Variants in DRC11 observed in about 807,000 individuals in gnomAD.
The protein encoded by DRC11 is IQ and AAA domain-containing protein 1.
chr2:236,353,188 C>T, the DRC11 span, among the ~76,000 whole-genome samples: 3 of 152,296 alleles, frequency 2.0e-5, no homozygotes, highest in South Asian at 4.1e-4. This position sits in a 1 kb window ranked among gnomAD's most constrained non-coding sequence, Gnocchi z 5.0. Flanking sequence ...TTAATTAATT[C>T]GTAATTGAAC....
At chr2:236,457,452 T>C in the DRC11 span, among the ~76,000 whole-genome samples, 5 of 152,308 alleles carry the variant, frequency 3.3e-5, no homozygotes, top group Admixed American at 2.0e-4. The surrounding 1 kb of genome is among the most constrained non-coding windows in gnomAD (Gnocchi z 4.7). Context: ...TGAACGCTAT[T>C]CATGAATGAA....
chr2:236,343,143 C>T, the DRC11 span, among the ~76,000 whole-genome samples: 2 of 152,166 alleles, frequency 1.3e-5, no homozygotes, highest in African/African-American at 4.8e-5. This position sits in a 1 kb window ranked among gnomAD's most constrained non-coding sequence, Gnocchi z 6.6. Flanking sequence ...CTCAGCGCGC[C>T]TCCTTCCCCT....
the DRC11 span, among the ~76,000 whole-genome samples, chr2:236,395,741 T>C: frequency 6.6e-6 from 1 of 152,246 alleles, no homozygotes; most frequent in Non-Finnish European, 1.5e-5. Flanking sequence ...TGTCATAATG[T>C]GCTGTTTACT....
chr2:236,361,964 T>C, the DRC11 span, among the ~76,000 whole-genome samples: 4 of 152,172 alleles, frequency 2.6e-5, no homozygotes, highest in African/African-American at 7.2e-5. This position sits in a 1 kb window ranked among gnomAD's most constrained non-coding sequence, Gnocchi z 5.7. Flanking sequence ...TGTGGCTCCA[T>C]TAGTATCAGA....
chr2:236,476,568 A>C, the DRC11 span, among the ~76,000 whole-genome samples: 1 of 152,288 alleles, frequency 6.6e-6, no homozygotes, highest in East Asian at 1.9e-4. The surrounding 1 kb of genome is among the most constrained non-coding windows in gnomAD (Gnocchi z 4.7). Context: ...CTCTTTTGCC[A>C]AATTACTCTG....
chr2:236,357,622 TAAATATGCATATAATATGTA>T, the DRC11 span, among the ~76,000 whole-genome samples: 2 of 118,458 alleles, frequency 1.7e-5, no homozygotes, highest in African/African-American at 3.5e-5. Context: ...TATAAATATA[TAAATATGCATATAATATGTA>T]AATATATAAA....
At chr2:236,459,760 G>C in the DRC11 span, among the ~76,000 whole-genome samples, 1 of 150,544 alleles carries the variant, frequency 6.6e-6, no homozygotes, top group African/African-American at 2.4e-5. Context: ...TTTCATGGTA[G>C]CTATCTCTAT....
At chr2:236,441,199 G>T in the DRC11 span, 1 of 1,024,454 alleles carries the variant, frequency 9.8e-7, no homozygotes, top group Non-Finnish European at 1.5e-6. Flanking sequence ...ATTTGCTTAT[G>T]TTCATTTAAA....
chr2:236,306,904 C>G, the DRC11 span, among the ~76,000 whole-genome samples: 1 of 152,322 alleles, frequency 6.6e-6, no homozygotes, highest in African/African-American at 2.4e-5. The surrounding 1 kb of genome is among the most constrained non-coding windows in gnomAD (Gnocchi z 5.9). Context: ...TAAATTATCA[C>G]AGAGGCTAAA....
chr2:236,481,614 T>C, the DRC11 span, among the ~76,000 whole-genome samples: 1 of 152,146 alleles, frequency 6.6e-6, no homozygotes, highest in Non-Finnish European at 1.5e-5. Flanking sequence ...TGCTTTTACT[T>C]TTAAATGTGT....
chr2:236,449,256 G>C, the DRC11 span, among the ~76,000 whole-genome samples: 9 of 152,214 alleles, frequency 5.9e-5, no homozygotes, highest in Non-Finnish European at 8.8e-5. This position sits in a 1 kb window ranked among gnomAD's most constrained non-coding sequence, Gnocchi z 5.1. Flanking sequence ...TTCTGAGCGA[G>C]AGAACTGGGA....
At chr2:236,361,505 A>C in the DRC11 span, among the ~76,000 whole-genome samples, 1 of 152,328 alleles carries the variant, frequency 6.6e-6, no homozygotes, top group South Asian at 2.1e-4. The surrounding 1 kb of genome is among the most constrained non-coding windows in gnomAD (Gnocchi z 5.7). Context: ...ACATTTATAG[A>C]TGTAAAATGT....
chr2:236,416,126 GAA>G, the DRC11 span, among the ~76,000 whole-genome samples: 1 of 152,146 alleles, frequency 6.6e-6, no homozygotes, highest in Non-Finnish European at 1.5e-5. Context: ...CACCCAGAAG[GAA>G]GAGAGGGAGG....
chr2:236,343,634 C>A, the DRC11 span: 2 of 966,990 alleles, frequency 2.1e-6, no homozygotes, highest in Non-Finnish European at 2.9e-6. This position sits in a 1 kb window ranked among gnomAD's most constrained non-coding sequence, Gnocchi z 6.6. Flanking sequence ...CGAAACACTG[C>A]CCTGCATTTC....
the DRC11 span, among the ~76,000 whole-genome samples, chr2:236,356,907 A>G: frequency 1.3e-4 from 16 of 127,192 alleles, no homozygotes; most frequent in South Asian, 3.2e-3. Context: ...ATGTATATTT[A>G]TATATTATAT....
chr2:236,427,590 T>C, the DRC11 span, among the ~76,000 whole-genome samples: 1 of 152,112 alleles, frequency 6.6e-6, no homozygotes, highest in East Asian at 1.9e-4. The surrounding 1 kb of genome is among the most constrained non-coding windows in gnomAD (Gnocchi z 5.9). Context: ...ATGGTATCAG[T>C]TGTAATGTAT....
At chr2:236,366,384 C>T in the DRC11 span, among the ~76,000 whole-genome samples, 1 of 152,354 alleles carries the variant, frequency 6.6e-6, no homozygotes, top group South Asian at 2.1e-4. Context: ...AGCCCCCAGA[C>T]ATTCCTTTTT....
At chr2:236,504,085 G>A in the DRC11 span, among the ~76,000 whole-genome samples, 1,963 of 152,020 alleles carry the variant, frequency 0.013, 59 homozygotes, top group East Asian at 0.12. The surrounding 1 kb of genome is among the most constrained non-coding windows in gnomAD (Gnocchi z 5.0). Context: ...ACCCACACCC[G>A]TGAAGCAGTC....
chr2:236,502,954 CA>C, the DRC11 span, among the ~76,000 whole-genome samples: 6 of 149,730 alleles, frequency 4.0e-5, no homozygotes, highest in Admixed American at 6.6e-5. Flanking sequence ...GACTCCATCT[CA>C]AAAAAAAGAA....
Sources: allele counts gnomAD v4.1 joint callset (sites outside exome capture counted in the v4.1 genomes callset), GRCh38; gene constraint gnomAD v4.1.1; non-coding constraint Gnocchi (gnomAD v3.1); transcripts MANE v1.5; gene names NCBI Gene and HGNC (gene_info 2026-07-23, HGNC 2026-07-21).